Variants in NTM observed in about 807,000 individuals in gnomAD.
The protein encoded by NTM is neurotrimin, also known as IgLON family member 2.
A neutral mutation model predicts 42.1 loss-of-function variants in NTM; 13 were observed. The observed-to-expected ratio is 0.31, with a 90% CI of 0.20 to 0.49. NTM has a LOEUF of 0.49. Ranked by LOEUF, NTM falls within the 20% of genes least tolerant of loss-of-function variation. The pLI, the probability that NTM is intolerant of heterozygous loss-of-function variation, is 0.99. For missense variants in NTM, 373 were observed against 452.8 expected (o/e 0.82, Z 1.60); for synonymous variants, 187 against 179.2 (o/e 1.04, Z -0.35).
chr11:131,713,221 A>G (rs2077356983), intron 1 of NTM, among the ~76,000 whole-genome samples: 1 of 151,966 alleles, frequency 6.6e-6, no homozygotes, highest in South Asian at 2.1e-4. Context: ...GGTTAAGTAC[A>G]TGTTCTAAAT....
intron 3 of NTM, among the ~76,000 whole-genome samples, chr11:132,161,395 TC>T (rs1348565271): frequency 3.1e-5 from 3 of 97,332 alleles, no homozygotes; most frequent in African/African-American, 4.6e-5. Context: ...TTTTTTTTTT[TC>T]CCCACAAAAT....
chr11:132,188,232 T>C (rs528904685), intron 3 of NTM, among the ~76,000 whole-genome samples: 1 of 152,254 alleles, frequency 6.6e-6, no homozygotes, highest in African/African-American at 2.4e-5. Context: ...CAAAGAGTCA[T>C]CCAGCCCCAA....
intron 2 of NTM, among the ~76,000 whole-genome samples, chr11:132,073,559 G>A (rs1360691602): frequency 6.6e-6 from 1 of 152,140 alleles, no homozygotes; most frequent in Non-Finnish European, 1.5e-5. Context: ...CAGTTAAATA[G>A]CATAGAAAGA....
In NTM at chr11:132,146,727, G is replaced by C. The variant is rs966824609; in HGVS notation, c.400+213G>C. 2.1e-5 allele frequency: 10 copies of C among 469,250 alleles called. No homozygotes were observed. Among genetic ancestry groups the C allele is most frequent in the African/African-American group, 1.6e-4 (8 of 50,590 alleles). 29.1% of individuals were successfully genotyped at this position (469,250 alleles called of 1,614,324 possible). ...ACTAGGAATTGTTTTTTTCATTTTT[G>C]TTCCAATAATATATTTTCTCAGGAA... is the stretch of plus-strand genomic sequence containing the variant. On this transcript the variant is annotated intron_variant, in intron 3 of 8. Transcript: ENST00000683400. This position sits in a 1 kb window ranked among gnomAD's most constrained non-coding sequence, Gnocchi z 4.5.
chr11:131,440,045 C>T lies in NTM; in HGVS notation c.82+69157C>T, dbSNP rs537661391. ...GGTATTTATTTTTTAATTTTCTCCT[C>T]TTATTTTCTTGTTTTCTTTCTGGCA... On this transcript the variant is annotated intron_variant, in intron 1 of 8. Coordinates refer to ENST00000683400, the MANE Select transcript of NTM (RefSeq NM_001352005.2). Among the ~76,000 whole-genome samples the T allele has an allele frequency of 8.1e-5, 12 of 147,796 alleles. No individual in the cohort carries two copies. In the South Asian group the frequency reaches 2.4e-3, roughly 29 times the overall value.
intron 2 of NTM, among the ~76,000 whole-genome samples, chr11:131,944,326 C>T (rs1001060012): frequency 3.9e-5 from 6 of 152,146 alleles, no homozygotes; most frequent in African/African-American, 7.2e-5. Context: ...TAGGAGACAG[C>T]GGCGCTGATT....
chr11:131,763,893 G>T (rs1228570414), intron 1 of NTM, among the ~76,000 whole-genome samples: 1 of 151,564 alleles, frequency 6.6e-6, no homozygotes, highest in South Asian at 2.1e-4. Flanking sequence ...TAATATAACT[G>T]CTATCAAGAC....
intron 1 of NTM, among the ~76,000 whole-genome samples, chr11:131,766,309 C>T (rs1297960941): frequency 1.3e-5 from 2 of 152,172 alleles, no homozygotes; most frequent in Non-Finnish European, 2.9e-5. Context: ...GCACCCATCT[C>T]CAGAAGCTTA....
intron 1 of NTM, among the ~76,000 whole-genome samples, chr11:131,569,365 C>T (rs923314226): frequency 6.6e-6 from 1 of 151,428 alleles, no homozygotes; most frequent in African/African-American, 2.4e-5. Flanking sequence ...AGGCTGGTCT[C>T]GAACTCCTGA....
At chr11:132,218,291 A>G (rs1043402685) in intron 4 of NTM, among the ~76,000 whole-genome samples, 1 of 152,192 alleles carries the variant, frequency 6.6e-6, no homozygotes, top group African/African-American at 2.4e-5. Context: ...AGGGAGAAAG[A>G]GAGAAAGCAA....
intron 1 of NTM, chr11:131,660,440 C>G: frequency 2.2e-6 from 1 of 456,626 alleles, no homozygotes; most frequent in South Asian, 1.6e-5. Flanking sequence ...TTTGAAAGAG[C>G]CCAGAAGCCA....
chr11:131,719,070 C>A (rs562664992), intron 1 of NTM, among the ~76,000 whole-genome samples: 12 of 152,046 alleles, frequency 7.9e-5, no homozygotes, highest in African/African-American at 2.9e-4. Flanking sequence ...CCACCACACC[C>A]GGCTAATTTT....
intron 1 of NTM, chr11:131,911,091 C>G (rs1425081275): frequency 9.6e-6 from 11 of 1,140,242 alleles, no homozygotes; most frequent in Non-Finnish European, 1.2e-5. Context: ...CCGTCCCCTT[C>G]TGGTACCAAA....
At chr11:131,919,570 C>T (rs1412732253) in intron 2 of NTM, among the ~76,000 whole-genome samples, 1 of 151,222 alleles carries the variant, frequency 6.6e-6, no homozygotes, top group Non-Finnish European at 1.5e-5. Context: ...AGACAGGAAT[C>T]TACAAACTCT....
intron 1 of NTM, among the ~76,000 whole-genome samples, chr11:131,822,396 C>T (rs1051763269): frequency 1.3e-5 from 2 of 152,098 alleles, no homozygotes; most frequent in Non-Finnish European, 1.5e-5. Context: ...TTCTATACAC[C>T]AGTGTGTAAA....
At chr11:131,733,806 GGAATTACAGGCAT>G (rs1372206785) in intron 1 of NTM, among the ~76,000 whole-genome samples, 1 of 152,138 alleles carries the variant, frequency 6.6e-6, no homozygotes, top group East Asian at 1.9e-4. Flanking sequence ...CCAAAGTGCA[GGAATTACAGGCAT>G]GAGCCATTGT....
chr11:131,428,905 A>T (rs912055026), intron 1 of NTM, among the ~76,000 whole-genome samples: 26 of 133,558 alleles, frequency 1.9e-4, no homozygotes, highest in African/African-American at 6.6e-4. Flanking sequence ...AAAAAAAAAA[A>T]TTAGCCAGGC....
chr11:131,792,616 C>G (rs1255125153), intron 1 of NTM, among the ~76,000 whole-genome samples: 5 of 152,172 alleles, frequency 3.3e-5, no homozygotes, highest in Admixed American at 3.3e-4. Flanking sequence ...TTTCTGGCCA[C>G]CACCCCCAAC....
At chr11:131,762,134 G>C (rs2084312058) in intron 1 of NTM, among the ~76,000 whole-genome samples, 1 of 152,220 alleles carries the variant, frequency 6.6e-6, no homozygotes, top group African/African-American at 2.4e-5. Flanking sequence ...AGGTTCATTT[G>C]TTATCAAAGC....
Sources: allele counts gnomAD v4.1 joint callset (sites outside exome capture counted in the v4.1 genomes callset), GRCh38; gene constraint gnomAD v4.1.1; non-coding constraint Gnocchi (gnomAD v3.1); transcripts MANE v1.5; gene names NCBI Gene and HGNC (gene_info 2026-07-23, HGNC 2026-07-21).